Variants in PUDP observed in about 807,000 individuals in gnomAD.
The protein encoded by PUDP is pseudouridine-5'-phosphatase.
In PUDP, 8 loss-of-function variants were observed where a neutral mutation model predicts 9.4. That is an observed-to-expected ratio of 0.85 (90% CI 0.50 to 1.53). The LOEUF (loss-of-function observed/expected upper bound fraction) is 1.53, where lower values mean the gene tolerates loss of function less well. PUDP is among the 40% of genes most tolerant of loss of function. The pLI, the probability that PUDP is intolerant of heterozygous loss-of-function variation, is 0.00. For missense variants in PUDP, 188 were observed against 189.7 expected (o/e 0.99, Z 0.05); for synonymous variants, 99 against 80.7 (o/e 1.23, Z -1.22).
At chrX:7,101,018 G>A (rs1303790898) in intron 2 of PUDP, among the ~76,000 whole-genome samples, 1 of 111,926 alleles carries the variant, frequency 8.9e-6, no homozygotes, top group African/African-American at 3.3e-5. Flanking sequence ...CACATCATCT[G>A]AGCCAGCATC....
intron 3 of PUDP, among the ~76,000 whole-genome samples, chrX:6,741,964 T>A (rs1396150525): frequency 3.6e-5 from 4 of 110,323 alleles, no homozygotes; most frequent in African/African-American, 1.3e-4. Flanking sequence ...CAAGCTACTC[T>A]CATGCCTCAG....
intron 3 of PUDP, among the ~76,000 whole-genome samples, chrX:6,874,594 G>A (rs766560108): frequency 3.6e-5 from 4 of 111,911 alleles, no homozygotes; most frequent in Admixed American, 1.9e-4. Context: ...GTTTATACAC[G>A]CCAAATGAAG....
At chrX:6,781,924 G>T (rs12855377) in intron 3 of PUDP, among the ~76,000 whole-genome samples, 20,622 of 111,712 alleles carry the variant, frequency 0.18, 1,954 homozygotes, top group African/African-American at 0.37. Context: ...AGCAGGTTGG[G>T]TCATACCTGA....
chrX:7,065,081 C>A (rs763222646), intron 3 of PUDP, among the ~76,000 whole-genome samples: 1 of 111,685 alleles, frequency 9.0e-6, no homozygotes, highest in South Asian at 3.7e-4. Context: ...ATATAAGAGA[C>A]GTGATCTCAG....
chrX:6,793,006 A>G (rs768536938), intron 3 of PUDP, among the ~76,000 whole-genome samples: 99 of 112,802 alleles, frequency 8.8e-4, no homozygotes, highest in African/African-American at 3.0e-3. Context: ...TCGTGCAGCT[A>G]TAGCACTCAC....
At chrX:7,080,864 A>G (rs1379501499) in intron 2 of PUDP, among the ~76,000 whole-genome samples, 1 of 105,661 alleles carries the variant, frequency 9.5e-6, no homozygotes, top group African/African-American at 3.5e-5. Flanking sequence ...GGTTGCAGTG[A>G]GCCGACATAG....
chrX:6,895,511 G>A lies in PUDP; in HGVS notation c.*247+81622C>T, dbSNP rs1927577928. ...GTTATTATATTTTTTCTCTAGAGAAGCCTGACAATTTAAAATTCATTTTTA... is the reference window on the plus strand; with the variant it reads ...GTTATTATATTTTTTCTCTAGAGAAACCTGACAATTTAAAATTCATTTTTA... On this transcript the variant is annotated intron_variant and NMD_transcript_variant, in intron 3 of 3. Coordinates refer to the PUDP transcript ENST00000655425. Among the ~76,000 whole-genome samples, 4 of 108,371 alleles carry A rather than the reference G, an allele frequency of 3.7e-5. No homozygotes were observed. The Admixed American group carries it at 4.0e-4, about 11-fold the overall frequency. 94.1% of individuals were successfully genotyped at this position (108,371 alleles called of 115,157 possible).
At chrX:6,829,289 A>T (rs1402600549) in intron 3 of PUDP, among the ~76,000 whole-genome samples, 1 of 111,864 alleles carries the variant, frequency 8.9e-6, no homozygotes, top group Non-Finnish European at 1.9e-5. Flanking sequence ...GGTTGCTTCT[A>T]CTTCTTAGAA....
intron 1 of PUDP, among the ~76,000 whole-genome samples, chrX:7,124,148 C>A (rs1932415913): frequency 8.9e-6 from 1 of 112,054 alleles, no homozygotes; most frequent in African/African-American, 3.2e-5. Flanking sequence ...TATGCTGGGT[C>A]ATAAGTCTCA....
intron 3 of PUDP, among the ~76,000 whole-genome samples, chrX:6,859,825 A>G (rs1243470790): frequency 9.1e-6 from 1 of 110,483 alleles, no homozygotes; most frequent in Non-Finnish European, 1.9e-5. Context: ...CCCATTCCCT[A>G]ATCCCCTGCC....
intron 1 of PUDP, among the ~76,000 whole-genome samples, chrX:7,036,813 T>C (rs1302921572): frequency 8.9e-6 from 1 of 112,009 alleles, no homozygotes; most frequent in Non-Finnish European, 1.9e-5. Flanking sequence ...TTATTAGTAA[T>C]TTATTTCTGA....
At chrX:6,747,366 G>A (rs1925012253) in intron 3 of PUDP, among the ~76,000 whole-genome samples, 1 of 111,619 alleles carries the variant, frequency 9.0e-6, no homozygotes, top group South Asian at 3.8e-4. Flanking sequence ...ACCTTTTCAG[G>A]TATATGCATA....
intron 3 of PUDP, among the ~76,000 whole-genome samples, chrX:6,733,432 C>T (rs1434080845): frequency 2.7e-5 from 3 of 111,299 alleles, no homozygotes; most frequent in Admixed American, 9.5e-5. Context: ...CTGATGGGGG[C>T]GGCGCCTCAG....
At chrX:7,106,678 A>G (rs1322416068) in intron 1 of PUDP, among the ~76,000 whole-genome samples, 2 of 111,588 alleles carry the variant, frequency 1.8e-5, no homozygotes, top group Non-Finnish European at 3.8e-5. Context: ...AAATAATCCT[A>G]CTTTACAGAA....
In PUDP at chrX:6,871,177, T is replaced by C. The variant is rs781525662; in HGVS notation, c.*247+105956A>G. Among the ~76,000 whole-genome samples, 513 of 111,586 alleles carry C rather than the reference T, an allele frequency of 4.6e-3. 1 individual carries two copies. The highest frequency in any genetic ancestry group is 0.015 in the African/African-American group (465 of 30,724). ...AGGCAGGGCAAATCTGTAGCACTAT[T>C]TCTGCTCCACAACTCCTCATGGAAT... On this transcript the variant is annotated intron_variant and NMD_transcript_variant, in intron 3 of 3. Transcript: ENST00000655425.
chrX:6,800,854 G>A (rs147894968), intron 3 of PUDP, among the ~76,000 whole-genome samples: 97 of 111,596 alleles, frequency 8.7e-4, no homozygotes, highest in Non-Finnish European at 1.6e-3. Flanking sequence ...ATTTGCTCCC[G>A]ACTTGCCCGC....
chrX:6,895,945 G>C (rs187533720), intron 3 of PUDP, among the ~76,000 whole-genome samples: 2 of 110,443 alleles, frequency 1.8e-5, no homozygotes, highest in East Asian at 5.7e-4. Flanking sequence ...CTTTTATAAG[G>C]GCACTCATAC....
At chrX:7,138,970 G>A (rs1334632329) in intron 1 of PUDP, among the ~76,000 whole-genome samples, 1 of 111,768 alleles carries the variant, frequency 8.9e-6, no homozygotes, top group East Asian at 2.8e-4. Context: ...CTATGCTTTA[G>A]TAAAGATGCC....
At chrX:6,767,015 T>C (rs1925293307) in intron 3 of PUDP, among the ~76,000 whole-genome samples, 1 of 113,090 alleles carries the variant, frequency 8.8e-6, no homozygotes, top group Non-Finnish European at 1.9e-5. Context: ...AAATGGTCCA[T>C]ACCAATTTTT....
Sources: gnomAD v4.1 joint callset for allele counts (sites outside exome capture counted in the v4.1 genomes callset) on GRCh38, gnomAD v4.1.1 for gene constraint, MANE v1.5 for transcripts, NCBI Gene and HGNC (gene_info 2026-07-23, HGNC 2026-07-21) for gene names.